CAMKMT: variants seen among roughly 807,000 people sequenced by gnomAD.
CAMKMT encodes the protein calmodulin-lysine N-methyltransferase, also known as CaM KMT.
CAMKMT carries 53 observed loss-of-function variants against 48.0 expected under a neutral mutation model. The ratio of observed to expected loss-of-function variants is 1.10; its 90% CI spans 0.89 to 1.39. The LOEUF is 1.39. Among genes scored for constraint, CAMKMT ranks in the 40% most tolerant of loss-of-function variants. The pLI, the probability that CAMKMT is intolerant of heterozygous loss-of-function variation, is 0.00. For synonymous variants in CAMKMT, 165 were observed against 152.3 expected (o/e 1.08, Z -0.61); for missense variants, 428 against 402.7 (o/e 1.06, Z -0.54).
At chr2:44,459,627 C>G (rs1180997339) in intron 3 of CAMKMT, among the ~76,000 whole-genome samples, 2 of 152,174 alleles carry the variant, frequency 1.3e-5, no homozygotes, top group Admixed American at 6.5e-5. Flanking sequence ...CATCACACTC[C>G]TTGATGGCTA....
At chr2:44,737,473 C>A (rs1423731759) in intron 7 of CAMKMT, among the ~76,000 whole-genome samples, 1 of 152,140 alleles carries the variant, frequency 6.6e-6, no homozygotes, top group Non-Finnish European at 1.5e-5. Flanking sequence ...TTAGGCAGAA[C>A]CAGAGCAGCA....
chr2:44,531,499 A>T (rs571365615), intron 3 of CAMKMT, among the ~76,000 whole-genome samples: 106 of 152,278 alleles, frequency 7.0e-4, no homozygotes, highest in African/African-American at 2.4e-3. Flanking sequence ...AAGAAATTTC[A>T]TTTGAATGAG....
At chr2:44,436,885 G>A (rs80324379) in intron 3 of CAMKMT, among the ~76,000 whole-genome samples, 3,577 of 152,086 alleles carry the variant, frequency 0.024, 155 homozygotes, top group African/African-American at 0.082. Flanking sequence ...TAAAAATAAG[G>A]TTTTGGTGTT....
chr2:44,398,109 G>A (rs1418446216), intron 3 of CAMKMT, among the ~76,000 whole-genome samples: 1 of 152,142 alleles, frequency 6.6e-6, no homozygotes, highest in African/African-American at 2.4e-5. Flanking sequence ...TATTTGTCAG[G>A]AGCTTTGTAA....
At chr2:44,434,754 A>G (rs1684851027) in intron 3 of CAMKMT, among the ~76,000 whole-genome samples, 1 of 152,206 alleles carries the variant, frequency 6.6e-6, no homozygotes, top group Admixed American at 6.5e-5. Context: ...GGTGAAATTC[A>G]GCTATTTTGT....
chr2:44,440,711 G>A (rs1283488029), intron 3 of CAMKMT, among the ~76,000 whole-genome samples: 2 of 152,126 alleles, frequency 1.3e-5, no homozygotes, highest in Non-Finnish European at 1.5e-5. Flanking sequence ...TCAGAAAGAT[G>A]TATTAAGACA....
chr2:44,600,034 A>G (rs1201034835), intron 3 of CAMKMT, among the ~76,000 whole-genome samples: 1 of 152,090 alleles, frequency 6.6e-6, no homozygotes, highest in Non-Finnish European at 1.5e-5. Flanking sequence ...ATTCTAACCT[A>G]TCTTTACTTC....
intron 3 of CAMKMT, among the ~76,000 whole-genome samples, chr2:44,532,946 G>A (rs533906924): frequency 4.0e-5 from 6 of 151,762 alleles, no homozygotes; most frequent in African/African-American, 1.2e-4. Flanking sequence ...CTGAGTAGCT[G>A]GGATTACAGG....
chr2:44,362,014 T>C lies in CAMKMT; in HGVS notation c.7T>C (p.Ser3Pro). 2 of 1,405,910 alleles carry C rather than the reference T, an allele frequency of 1.4e-6. No homozygotes were observed. Among genetic ancestry groups the C allele is most frequent in the Non-Finnish European group, 1.8e-6 (2 of 1,085,252 alleles). The allele number at this position is 1,405,910 out of a possible 1,614,324, so 87.1% of individuals were successfully genotyped here. A position where few individuals can be genotyped will look rare whatever the true frequency, so the allele number is the denominator to read the frequency against. Residue 3 changes from serine to proline, a missense_variant, in exon 1 of 11, where the codon TCG (serine) becomes CCG (proline). Physicochemically the swap from Ser to Pro is moderately conservative, Grantham distance 74 (BLOSUM62 -1). Transcript: ENST00000378494. Reference sequence around the variant, plus strand: ...TGTGGAAGGCTCCAGTGAGATGGAGTCGCGAGTCGCGGACGCTGGGACCGG... The same window carrying C: ...TGTGGAAGGCTCCAGTGAGATGGAGCCGCGAGTCGCGGACGCTGGGACCGG... MESRVADAGTGET... is the reference protein window; with the variant it reads MEPRVADAGTGET...
chr2:44,366,979 C>G (rs939457345), intron 1 of CAMKMT, among the ~76,000 whole-genome samples: 1 of 152,100 alleles, frequency 6.6e-6, no homozygotes, highest in Admixed American at 6.6e-5. Flanking sequence ...CCCACCTCAG[C>G]CTCCCAAAGT....
intron 3 of CAMKMT, among the ~76,000 whole-genome samples, chr2:44,502,389 C>G (rs983104084): frequency 1.3e-5 from 2 of 152,010 alleles, no homozygotes; most frequent in Non-Finnish European, 2.9e-5. Flanking sequence ...TTTTCTTTTC[C>G]CTTTCTGCAC....
chr2:44,375,612 G>C (rs887132565), intron 2 of CAMKMT, among the ~76,000 whole-genome samples: 7 of 152,130 alleles, frequency 4.6e-5, no homozygotes, highest in African/African-American at 7.2e-5. Context: ...GGAAGTACTT[G>C]AAAGTTCTGG....
At chr2:44,755,375 C>T (rs1049252867) in intron 9 of CAMKMT, among the ~76,000 whole-genome samples, 2 of 152,142 alleles carry the variant, frequency 1.3e-5, no homozygotes, top group Non-Finnish European at 2.9e-5. Context: ...AGCATCCCCC[C>T]ACCCCTGTCG....
At chr2:44,630,800 G>A (rs187843207) in intron 3 of CAMKMT, among the ~76,000 whole-genome samples, 2,172 of 151,370 alleles carry the variant, frequency 0.014, 17 homozygotes, top group South Asian at 0.034. Context: ...CTGTTGGTGG[G>A]ACTGTAAACT....
At chr2:44,501,949 G>A (rs954443311) in intron 3 of CAMKMT, among the ~76,000 whole-genome samples, 2 of 152,268 alleles carry the variant, frequency 1.3e-5, no homozygotes, top group East Asian at 1.9e-4. Context: ...AAGAGAAAAT[G>A]TAAAGGCTAT....
chr2:44,634,543 T>A (rs1474275279), intron 3 of CAMKMT, among the ~76,000 whole-genome samples: 1 of 152,142 alleles, frequency 6.6e-6, no homozygotes, highest in Non-Finnish European at 1.5e-5. Context: ...AATTTACTTA[T>A]ACATCATACC....
At chr2:44,402,560 C>T (rs955111477) in intron 3 of CAMKMT, among the ~76,000 whole-genome samples, 8 of 151,686 alleles carry the variant, frequency 5.3e-5, no homozygotes, top group Admixed American at 1.3e-4. Context: ...TTGTGTTGGA[C>T]ATTTCTTGGG....
chr2:44,592,042 A>G (rs931741805), intron 3 of CAMKMT, among the ~76,000 whole-genome samples: 9 of 147,634 alleles, frequency 6.1e-5, no homozygotes, highest in East Asian at 2.0e-4. Context: ...GAAGGGGAAC[A>G]TCACACTCTG....
chr2:44,388,078 CG>C (rs1680950582), intron 2 of CAMKMT, among the ~76,000 whole-genome samples: 1 of 152,098 alleles, frequency 6.6e-6, no homozygotes, highest in African/African-American at 2.4e-5. Context: ...CTAGCAAGGC[CG>C]GGAAAATTTT....
Sources: gnomAD v4.1 joint callset for allele counts (sites outside exome capture counted in the v4.1 genomes callset) on GRCh38, gnomAD v4.1.1 for gene constraint, MANE v1.5 for transcripts, NCBI Gene and HGNC (gene_info 2026-07-23, HGNC 2026-07-21) for gene names.